RBFOX3: variants seen among roughly 807,000 people sequenced by gnomAD.
RBFOX3 encodes RNA binding protein fox-1 homolog 3.
Under a neutral mutation model 48.7 loss-of-function variants are expected in RBFOX3, and 17 were observed. The ratio of observed to expected loss-of-function variants is 0.35; its 90% CI spans 0.24 to 0.52. The LOEUF is 0.52. Ranked by LOEUF, RBFOX3 falls within the 20% of genes least tolerant of loss-of-function variation. The pLI is 0.94. For missense variants in RBFOX3, 382 were observed against 497.5 expected (o/e 0.77, Z 2.21); for synonymous variants, 212 against 209.5 (o/e 1.01, Z -0.10).
chr17:79,279,095 T>A (rs1185181582), intron 3 of RBFOX3, among the ~76,000 whole-genome samples: 1 of 151,930 alleles, frequency 6.6e-6, no homozygotes, highest in Admixed American at 6.5e-5. Flanking sequence ...ACTAAAATTC[T>A]GGCTTAGAAC....
chr17:79,179,260 C>A (rs1344946428), intron 4 of RBFOX3, among the ~76,000 whole-genome samples: 1 of 152,232 alleles, frequency 6.6e-6, no homozygotes. Flanking sequence ...ATCCCCCTGC[C>A]CCTCGGCGGA....
At chr17:79,438,977 C>T (rs575958919) in intron 2 of RBFOX3, among the ~76,000 whole-genome samples, 7 of 152,338 alleles carry the variant, frequency 4.6e-5, no homozygotes, top group South Asian at 2.1e-4. Flanking sequence ...TCCCTCCTCC[C>T]GAAACCATCA....
the RBFOX3 span, among the ~76,000 whole-genome samples, chr17:79,621,368 C>T: frequency 6.6e-6 from 1 of 152,160 alleles, no homozygotes; most frequent in Non-Finnish European, 1.5e-5. Flanking sequence ...CTGGGGGAAA[C>T]CGTTGAGCAG....
At chr17:79,234,534 T>A (rs909937616) in intron 4 of RBFOX3, 1 of 152,096 alleles carries the variant, frequency 6.6e-6, no homozygotes, top group African/African-American at 2.4e-5. Flanking sequence ...GCTGGCCTTG[T>A]GCACACACCA....
chr17:79,467,354 G>A (rs2076453592), intron 2 of RBFOX3, among the ~76,000 whole-genome samples: 1 of 152,158 alleles, frequency 6.6e-6, no homozygotes, highest in African/African-American at 2.4e-5. Flanking sequence ...TGGAGATGAG[G>A]GCAGAGCGGG....
intron 2 of RBFOX3, among the ~76,000 whole-genome samples, chr17:79,413,615 G>A (rs2064838226): frequency 6.6e-6 from 1 of 152,212 alleles, no homozygotes; most frequent in African/African-American, 2.4e-5. Flanking sequence ...TGGGAAGGAG[G>A]CTCTGGGCAC....
chr17:79,236,048 C>T (rs557337602), intron 3 of RBFOX3, among the ~76,000 whole-genome samples: 3 of 152,302 alleles, frequency 2.0e-5, no homozygotes, highest in African/African-American at 7.2e-5. Flanking sequence ...CACGGTGGAC[C>T]GGCCACCCAG....
chr17:79,468,275 A>G (rs1048125187), intron 2 of RBFOX3, among the ~76,000 whole-genome samples: 7 of 152,312 alleles, frequency 4.6e-5, no homozygotes, highest in Non-Finnish European at 1.0e-4. Context: ...ATAAATGGAT[A>G]CCTGCATAGA....
At chr17:79,369,107 T>C (rs746004587) in intron 2 of RBFOX3, among the ~76,000 whole-genome samples, 1 of 151,720 alleles carries the variant, frequency 6.6e-6, no homozygotes, top group East Asian at 1.9e-4. Flanking sequence ...CTCTGAGCTG[T>C]CTCACTGCGC....
chr17:79,163,065 C>T (rs1047652958), intron 4 of RBFOX3, among the ~76,000 whole-genome samples: 5 of 152,306 alleles, frequency 3.3e-5, no homozygotes, highest in African/African-American at 1.2e-4. Flanking sequence ...ACTGTGCCCA[C>T]CTCACTGCCA....
chr17:79,635,059 C>CAAAAAAAAAAAAAAAAAAA, the RBFOX3 span, among the ~76,000 whole-genome samples: 1 of 53,494 alleles, frequency 1.9e-5, no homozygotes, highest in African/African-American at 5.4e-5. Flanking sequence ...GACTCCATCT[C>CAAAAAAAAAAAAAAAAAAA]AAAAAAAAAA....
chr17:79,547,880 T>G (rs1488500573), intron 1 of RBFOX3, among the ~76,000 whole-genome samples: 1 of 152,164 alleles, frequency 6.6e-6, no homozygotes, highest in African/African-American at 2.4e-5. Flanking sequence ...GGCACCCCAG[T>G]GAAGGACTCG....
intron 1 of RBFOX3, among the ~76,000 whole-genome samples, chr17:79,506,079 A>G (rs1158918356): frequency 6.6e-6 from 1 of 152,254 alleles, no homozygotes; most frequent in Non-Finnish European, 1.5e-5. Context: ...CAGGCTAAGA[A>G]TAACAGAGAA....
chr17:79,428,295 G>A (rs2067759907), intron 2 of RBFOX3, among the ~76,000 whole-genome samples: 1 of 152,196 alleles, frequency 6.6e-6, no homozygotes, highest in Non-Finnish European at 1.5e-5. Flanking sequence ...GGGAGGGCAG[G>A]TGCCATGGGG....
At chr17:79,186,615 C>T (rs1036641190) in intron 4 of RBFOX3, among the ~76,000 whole-genome samples, 2 of 152,266 alleles carry the variant, frequency 1.3e-5, no homozygotes, top group African/African-American at 2.4e-5. Flanking sequence ...TGCCCCCGCT[C>T]CTGGGGCGGA....
intron 4 of RBFOX3, among the ~76,000 whole-genome samples, chr17:79,177,309 G>A (rs533531122): frequency 3.9e-5 from 6 of 152,198 alleles, no homozygotes; most frequent in Non-Finnish European, 8.8e-5. Context: ...AGAAGGGCAC[G>A]TGGGCTATCT....
At chr17:79,447,155 A>G (rs1280583724) in intron 2 of RBFOX3, among the ~76,000 whole-genome samples, 5 of 152,228 alleles carry the variant, frequency 3.3e-5, no homozygotes, top group Non-Finnish European at 1.5e-5. Flanking sequence ...GTCGGCAGTA[A>G]ACATTTCAAA....
chr17:79,287,051 C>T (rs59570271), intron 3 of RBFOX3, among the ~76,000 whole-genome samples: 17 of 152,244 alleles, frequency 1.1e-4, no homozygotes, highest in African/African-American at 3.9e-4. Flanking sequence ...TGACGCAGCT[C>T]GAGGGGCTCA....
intron 2 of RBFOX3, among the ~76,000 whole-genome samples, chr17:79,342,700 G>A (rs2082291311): frequency 6.6e-6 from 1 of 152,252 alleles, no homozygotes; most frequent in Non-Finnish European, 1.5e-5. Context: ...GGGCACAGGA[G>A]TGTGGGTCCT....
Sources: gnomAD v4.1 joint callset for allele counts (sites outside exome capture counted in the v4.1 genomes callset) on GRCh38, gnomAD v4.1.1 for gene constraint, MANE v1.5 for transcripts, NCBI Gene and HGNC (gene_info 2026-07-23, HGNC 2026-07-21) for gene names.